PDE9A: variants seen among roughly 807,000 people sequenced by gnomAD.
PDE9A encodes the protein phosphodiesterase 9A.
Under a neutral mutation model 87.4 loss-of-function variants are expected in PDE9A, and 60 were observed. The ratio of observed to expected loss-of-function variants is 0.69; its 90% CI spans 0.56 to 0.85. The LOEUF is 0.85. Ranked by LOEUF, PDE9A falls within the 40% of genes least tolerant of loss-of-function variation. The pLI is 0.00. For missense variants in PDE9A, 665 were observed against 779.0 expected (o/e 0.85, Z 1.74); for synonymous variants, 272 against 279.4 (o/e 0.97, Z 0.27).
chr21:42,726,624 A>ATATATATATATATATATATATATTTTT, intron 4 of PDE9A, among the ~76,000 whole-genome samples: 1 of 19,780 alleles, frequency 5.1e-5, no homozygotes, highest in African/African-American at 3.4e-4. Context: ...ATATATATAT[A>ATATATATATATATATATATATATTTTT]TTTTTTTTTT....
At chr21:42,714,734 C>T (rs1402442268) in intron 4 of PDE9A, among the ~76,000 whole-genome samples, 2 of 141,378 alleles carry the variant, frequency 1.4e-5, no homozygotes, top group Non-Finnish European at 3.1e-5. Flanking sequence ...TTAGCTCTAC[C>T]AGTCTTTGTT....
chr21:42,680,888 C>G (rs769779875), intron 1 of PDE9A, among the ~76,000 whole-genome samples: 18 of 152,340 alleles, frequency 1.2e-4, no homozygotes, highest in Middle Eastern at 6.8e-3. Flanking sequence ...ATTGCGCACT[C>G]GAGTTCCTGC....
At chr21:42,745,256 CG>C (rs1311297154) in intron 8 of PDE9A, among the ~76,000 whole-genome samples, 2 of 152,130 alleles carry the variant, frequency 1.3e-5, no homozygotes, top group Non-Finnish European at 1.5e-5. Context: ...GAAGGCCGAG[CG>C]GAAGGAAGCA....
intron 16 of PDE9A, 56 bp downstream of exon 16, chr21:42,768,348 T>G: frequency 8.2e-7 from 1 of 1,216,852 alleles, no homozygotes; most frequent in Non-Finnish European, 1.2e-6. Flanking sequence ...CCCCACTTAG[T>G]AAGGGTTTGC....
At chr21:42,772,133 A>G (rs113405961) in intron 18 of PDE9A, among the ~76,000 whole-genome samples, 189 of 152,284 alleles carry the variant, frequency 1.2e-3, no homozygotes, top group African/African-American at 4.3e-3. Flanking sequence ...GAGACACGCC[A>G]AAGAGGTGAA....
At chr21:42,765,250 T>C (rs2056283830) in intron 14 of PDE9A, 131 bp from the exon 15 acceptor site, 1 of 593,584 alleles carries the variant, frequency 1.7e-6, no homozygotes, top group South Asian at 2.1e-5. Context: ...GGATGGGTGA[T>C]GGATGCACAT....
chr21:42,672,284 G>A (rs1448687711), intron 1 of PDE9A, among the ~76,000 whole-genome samples: 2 of 151,150 alleles, frequency 1.3e-5, no homozygotes, highest in Non-Finnish European at 3.0e-5. Context: ...AGGGCCTGGA[G>A]CAGGGCCAGG....
At chr21:42,655,805 C>A (rs2057016636) in intron 1 of PDE9A, among the ~76,000 whole-genome samples, 1 of 152,138 alleles carries the variant, frequency 6.6e-6, no homozygotes, top group South Asian at 2.1e-4. Flanking sequence ...CCAGACGGGT[C>A]TCCAACCCCC....
intron 4 of PDE9A, among the ~76,000 whole-genome samples, chr21:42,728,999 C>CA (rs1004336745): frequency 0.3 from 28,149 of 94,240 alleles, 4,846 homozygotes; most frequent in African/African-American, 0.54. Context: ...GACTCAGTCT[C>CA]AAAAAAAAAA....
At chr21:42,726,476 A>G (rs2051046731) in intron 4 of PDE9A, among the ~76,000 whole-genome samples, 1 of 150,572 alleles carries the variant, frequency 6.6e-6, no homozygotes, top group African/African-American at 2.5e-5. Context: ...ATTGATTTTT[A>G]TATAAACTGA....
intron 1 of PDE9A, among the ~76,000 whole-genome samples, chr21:42,667,848 CACAGG>C (rs2058113571): frequency 6.6e-6 from 1 of 152,088 alleles, no homozygotes. Flanking sequence ...AGGGACCCAG[CACAGG>C]ACGTGTGTTT....
In PDE9A at chr21:42,670,235, TCA is replaced by T. The variant is rs774953683; in HGVS notation, c.70-15953_70-15952del. ...TACATTCACACACATACACTTACATTCACACTCATACACATACATACATTCAC... is the reference window on the plus strand; with the variant it reads ...TACATTCACACACATACACTTACATTCACTCATACACATACATACATTCAC... On this transcript the variant is annotated intron_variant, in intron 1 of 19. Transcript: ENST00000291539. Among the ~76,000 whole-genome samples, 602 of 126,808 alleles carry T rather than the reference TCA, an allele frequency of 4.7e-3. 7 individuals carry two copies. Among genetic ancestry groups the T allele is most frequent in the Admixed American group, 0.034 (484 of 14,116 alleles). The allele number at this position is 126,808 out of a possible 152,430, so 83.2% of individuals were successfully genotyped here.
In PDE9A at chr21:42,695,164, C is replaced by T. The variant is rs957925334; in HGVS notation, c.219-3804C>T. 6.6e-6 allele frequency among the ~76,000 whole-genome samples: 1 copy of T among 152,244 alleles called. No individual in the cohort carries two copies. Among genetic ancestry groups the T allele is most frequent in the Non-Finnish European group, 1.5e-5 (1 of 68,042 alleles). On this transcript the variant is annotated intron_variant, in intron 3 of 19. Transcript: ENST00000291539. This position sits in a 1 kb window ranked among gnomAD's most constrained non-coding sequence, Gnocchi z 4.3. ...TGGAAAATAGGCTGATTGGCTTCCA[C>T]TCCCTTTTAGAGCTGGCAAGAAAAA...
At chr21:42,766,452 C>T (rs1467292463) in intron 15 of PDE9A, among the ~76,000 whole-genome samples, 1 of 152,182 alleles carries the variant, frequency 6.6e-6, no homozygotes, top group Non-Finnish European at 1.5e-5. Flanking sequence ...ATTTGATTAT[C>T]TGTTTAAAAT....
intron 1 of PDE9A, among the ~76,000 whole-genome samples, chr21:42,658,644 C>T (rs148452005): frequency 2.1e-3 from 319 of 152,354 alleles, no homozygotes; most frequent in African/African-American, 7.3e-3. Context: ...GTCCCCCGGC[C>T]ACACTGACTC....
chr21:42,689,168 G>A (rs1192752124), intron 3 of PDE9A, among the ~76,000 whole-genome samples: 1 of 151,186 alleles, frequency 6.6e-6, no homozygotes, highest in South Asian at 2.1e-4. Flanking sequence ...GCTTCAGTGG[G>A]CATGGCCAGT....
intron 1 of PDE9A, among the ~76,000 whole-genome samples, chr21:42,681,388 G>A (rs2059156981): frequency 6.6e-6 from 1 of 152,244 alleles, no homozygotes; most frequent in African/African-American, 2.4e-5. Flanking sequence ...GTCCGCAGCC[G>A]ATGGCCCAGG....
intron 7 of PDE9A, chr21:42,741,174 G>A (rs10451852): frequency 0.26 from 40,033 of 152,096 alleles, 5,447 homozygotes; most frequent in East Asian, 0.46. Flanking sequence ...ATTTGCTCAC[G>A]TCAGTGTCCA....
At position 42,686,219 on chromosome 21, in the gene PDE9A, A is replaced by G; in HGVS notation, c.97A>G (p.Ser33Gly). ...KVIFSKYCNS[S>G]DIMDLFCIAT... ...AATCTTCAGCAAGTACTGCAACTCC[A>G]GCGACATCATGGACCTGTTCTGCAT... The change falls in exon 2 of 20, where the codon AGC (serine) becomes GGC (glycine). Residue 33 changes from serine to glycine, a missense_variant. By Grantham distance (56) the Ser-to-Gly change is moderately conservative. Transcript: ENST00000291539. 1 of 1,613,960 alleles carries G rather than the reference A, an allele frequency of 6.2e-7. No individual in the cohort carries two copies.
Sources: gnomAD v4.1 joint callset for allele counts (sites outside exome capture counted in the v4.1 genomes callset) on GRCh38, gnomAD v4.1.1 for gene constraint, Gnocchi (gnomAD v3.1) non-coding constraint, MANE v1.5 for transcripts, NCBI Gene and HGNC (gene_info 2026-07-23, HGNC 2026-07-21) for gene names.